SSPN: variants seen among roughly 807,000 people sequenced by gnomAD.
SSPN encodes sarcospan.
In SSPN, 15 loss-of-function variants were observed where a neutral mutation model predicts 19.1. That is an observed-to-expected ratio of 0.78 (90% CI 0.52 to 1.21). The LOEUF is 1.21. Ranked by LOEUF, SSPN falls within the 50% of genes most tolerant of loss-of-function variation. SSPN has a pLI of 0.00. For synonymous variants in SSPN, 147 were observed against 140.3 expected (o/e 1.05, Z -0.34); for missense variants, 291 against 314.0 (o/e 0.93, Z 0.55).
At chr12:26,163,032 CGTGT>C (rs138827156) in intron 1 of SSPN, among the ~76,000 whole-genome samples, 142 of 146,056 alleles carry the variant, frequency 9.7e-4, no homozygotes, top group Middle Eastern at 6.8e-3. Context: ...TGCTTCAAGA[CGTGT>C]GTGTGTGTGT....
intron 1 of SSPN, chr12:26,180,557 C>G (rs1369976626): frequency 6.6e-6 from 1 of 152,206 alleles, no homozygotes; most frequent in Non-Finnish European, 1.5e-5. Flanking sequence ...ATTTCTCCCC[C>G]TTAACTGTCC....
chr12:26,215,493 G>A (rs898006151), intron 1 of SSPN, among the ~76,000 whole-genome samples: 2 of 152,216 alleles, frequency 1.3e-5, no homozygotes, highest in South Asian at 2.1e-4. Context: ...ATGGACTTGT[G>A]ACAGCTGATT....
At position 26,183,405 on chromosome 12, in the gene SSPN, C is replaced by T. The variant is rs149074493; in HGVS notation, c.-30-40888C>T. On this transcript the variant is annotated intron_variant, in intron 1 of 2. Transcript: ENST00000538142. ...TTAGGATTACTGGCATGAGCCACTG[C>T]GCCCGGTCCCAAACTTCCCTTTAAA... 7.5e-4 allele frequency among the ~76,000 whole-genome samples: 115 copies of T among 152,322 alleles called. 2 individuals carry two copies. The East Asian group carries it at 0.016, about 21-fold the overall frequency.
At chr12:26,189,703 A>G (rs1356130928) in intron 1 of SSPN, among the ~76,000 whole-genome samples, 4 of 152,114 alleles carry the variant, frequency 2.6e-5, no homozygotes, top group Non-Finnish European at 5.9e-5. Flanking sequence ...CTTTACGTAT[A>G]TTCTCCTCCT....
At chr12:26,227,005 C>T (rs1016119274) in intron 2 of SSPN, among the ~76,000 whole-genome samples, 1 of 152,052 alleles carries the variant, frequency 6.6e-6, no homozygotes, top group Non-Finnish European at 1.5e-5. Context: ...GCGCCTCCGC[C>T]CGCTGCGCAG....
At chr12:26,217,574 TC>T (rs779212810) in intron 1 of SSPN, among the ~76,000 whole-genome samples, 1 of 117,518 alleles carries the variant, frequency 8.5e-6, no homozygotes, top group East Asian at 2.3e-4. Context: ...TATTTCCTTC[TC>T]CTGCCTAATT....
At chr12:26,160,974 G>A (rs1336437723) in intron 1 of SSPN, among the ~76,000 whole-genome samples, 1 of 152,020 alleles carries the variant, frequency 6.6e-6, no homozygotes, top group Non-Finnish European at 1.5e-5. Context: ...TGGGCATGGT[G>A]GCATTCATCT....
intron 1 of SSPN, chr12:26,123,031 G>C (rs116430907): frequency 6.3e-7 from 1 of 1,575,156 alleles, no homozygotes; most frequent in Non-Finnish European, 8.6e-7. Context: ...TGGTTGATCA[G>C]CTGGACACAC....
rs1045094767 is a variant in SSPN at position 26,151,086 on chromosome 12, G to T, written c.-31+28934G>T. ...GCACATTTTGGTGGGATTTTCGGGT[G>T]GAACTTAGGGAAAAAAAGGGGCAAG... On this transcript the variant is annotated intron_variant, in intron 1 of 2. Transcript: ENST00000538142. 2.0e-5 allele frequency among the ~76,000 whole-genome samples: 3 copies of T among 152,054 alleles called. No homozygotes were observed. In the East Asian group the frequency reaches 5.8e-4, roughly 29 times the overall value.
rs1489346936 is a variant in SSPN, at chr12:26,124,694, TTCG to T, written c.-31+2543_-31+2545del. 7.4e-6 allele frequency: 12 copies of T among 1,613,862 alleles called. No individual in the cohort carries two copies. In the Admixed American group the frequency reaches 1.7e-4, roughly 22 times the overall value. ...AATCAAACCAAAGCCTAGACAGATA[TTCG>T]CAAGGGTGCGTGCACCTTACCCTAT... is the stretch of plus-strand genomic sequence containing the variant. On this transcript the variant is annotated intron_variant, in intron 1 of 2. Coordinates refer to the SSPN transcript ENST00000538142.
At chr12:26,179,233 G>C (rs1944703189) in intron 1 of SSPN, among the ~76,000 whole-genome samples, 3 of 152,298 alleles carry the variant, frequency 2.0e-5, no homozygotes, top group Middle Eastern at 3.4e-3. Context: ...CAGCAAGAAG[G>C]AGAGCAGTGC....
chr12:26,206,943 T>G (rs1053225383), intron 1 of SSPN, among the ~76,000 whole-genome samples: 1 of 152,182 alleles, frequency 6.6e-6, no homozygotes, highest in African/African-American at 2.4e-5. Context: ...CCAGGTATGG[T>G]GCCCCCAAGA....
chr12:26,229,596 T>C (rs1454857500), intron 2 of SSPN, among the ~76,000 whole-genome samples: 1 of 152,252 alleles, frequency 6.6e-6, no homozygotes, highest in East Asian at 1.9e-4. Context: ...TTCTCAGAGC[T>C]ACTTTCCTCT....
intron 1 of SSPN, among the ~76,000 whole-genome samples, chr12:26,221,936 C>A (rs1437905147): frequency 1.3e-5 from 2 of 152,204 alleles, no homozygotes; most frequent in Admixed American, 6.5e-5. Flanking sequence ...AAATAGTAAA[C>A]CCCTACAGTT....
chr12:26,232,335 A>C lies in SSPN; in HGVS notation c.*1259A>C. 2 of 985,364 alleles carry C rather than the reference A, an allele frequency of 2.0e-6. No homozygotes were observed. The highest frequency in any genetic ancestry group is 2.4e-6 in the Non-Finnish European group (2 of 829,922). The allele number at this position is 985,364 out of a possible 1,614,324, so 61.0% of individuals were successfully genotyped here. A position where few individuals can be genotyped will look rare whatever the true frequency, so the allele number is the denominator to read the frequency against. On this transcript the variant is annotated 3_prime_UTR_variant, in exon 3 of 3. Coordinates refer to ENST00000242729, the MANE Select transcript of SSPN (RefSeq NM_005086.5). Reference sequence around the variant, plus strand: ...TTGTTTTTAAGTGACTGTGGTTTAAAGCACAAATGCCCCAAGGTGGGGAGA... The same window carrying C: ...TTGTTTTTAAGTGACTGTGGTTTAACGCACAAATGCCCCAAGGTGGGGAGA...
At chr12:26,144,905 A>G (rs763001571) in intron 1 of SSPN, among the ~76,000 whole-genome samples, 15 of 152,248 alleles carry the variant, frequency 9.9e-5, no homozygotes, top group African/African-American at 3.4e-4. Flanking sequence ...TCCTCCGCCA[A>G]TGCAGTATGA....
chr12:26,143,403 A>G (rs1944471789), intron 1 of SSPN, among the ~76,000 whole-genome samples: 2 of 152,212 alleles, frequency 1.3e-5, no homozygotes, highest in African/African-American at 4.8e-5. Flanking sequence ...ATGGCTGGGC[A>G]TCATTATTCT....
intron 1 of SSPN, among the ~76,000 whole-genome samples, chr12:26,205,237 T>C (rs7134738): frequency 0.35 from 53,095 of 152,004 alleles, 9,451 homozygotes; most frequent in South Asian, 0.47. Flanking sequence ...TAAGTGGCAT[T>C]CTACTCAGTT....
chr12:26,172,150 C>T (rs1944656989), intron 1 of SSPN, among the ~76,000 whole-genome samples: 1 of 152,122 alleles, frequency 6.6e-6, no homozygotes, highest in Non-Finnish European at 1.5e-5. Context: ...GGCTTCAAAC[C>T]ATCCTCCTGC....
Sources: gnomAD v4.1 joint callset for allele counts (sites outside exome capture counted in the v4.1 genomes callset) on GRCh38, gnomAD v4.1.1 for gene constraint, MANE v1.5 for transcripts, NCBI Gene and HGNC (gene_info 2026-07-23, HGNC 2026-07-21) for gene names.